The following ZBTB7C variants were observed in gnomAD, a reference collection of about 807,000 sequenced individuals.
ZBTB7C encodes zinc finger and BTB domain-containing protein 7C.
ZBTB7C carries 8 observed loss-of-function variants against 25.7 expected under a neutral mutation model. The ratio of observed to expected loss-of-function variants is 0.31; its 90% CI spans 0.18 to 0.56. The LOEUF (loss-of-function observed/expected upper bound fraction) is 0.56, where lower values mean the gene tolerates loss of function less well. Among genes scored for constraint, ZBTB7C ranks in the 20% least tolerant of loss-of-function variants. The pLI, the probability that ZBTB7C is intolerant of heterozygous loss-of-function variation, is 0.91. For synonymous variants in ZBTB7C, 394 were observed against 369.0 expected (o/e 1.07, Z -0.78); for missense variants, 824 against 855.2 (o/e 0.96, Z 0.46).
At chr18:48,190,315 A>G (rs988274093) in intron 2 of ZBTB7C, among the ~76,000 whole-genome samples, 2 of 152,236 alleles carry the variant, frequency 1.3e-5, no homozygotes, top group Non-Finnish European at 2.9e-5. Flanking sequence ...ATGATGGTTT[A>G]TGATTAAAGA....
intron 2 of ZBTB7C, among the ~76,000 whole-genome samples, chr18:48,289,175 T>C (rs1489147132): frequency 6.6e-6 from 1 of 152,126 alleles, no homozygotes; most frequent in Non-Finnish European, 1.5e-5. Context: ...TTTAAATCTT[T>C]GGAGAGTAAT....
chr18:48,385,091 C>T (rs1453391190), intron 1 of ZBTB7C, among the ~76,000 whole-genome samples: 1 of 152,206 alleles, frequency 6.6e-6, no homozygotes, highest in Non-Finnish European at 1.5e-5. Context: ...GATGATGACT[C>T]ATGGTGCTAG....
At chr18:48,104,075 G>C (rs2038943301) in intron 3 of ZBTB7C, among the ~76,000 whole-genome samples, 2 of 152,148 alleles carry the variant, frequency 1.3e-5, no homozygotes, top group Admixed American at 1.3e-4. Flanking sequence ...CACTTTTAAT[G>C]AGTGGGTTGC....
chr18:48,264,494 G>C (rs1374254004), intron 2 of ZBTB7C, among the ~76,000 whole-genome samples: 1 of 152,126 alleles, frequency 6.6e-6, no homozygotes. Context: ...GGACCTTCTG[G>C]GGTCTTCTGA....
intron 4 of ZBTB7C, among the ~76,000 whole-genome samples, chr18:48,035,969 C>T (rs1010586497): frequency 5.3e-5 from 8 of 152,230 alleles, no homozygotes; most frequent in African/African-American, 1.4e-4. Context: ...ACAAGCCTTT[C>T]CCAGGAGGAA....
chr18:48,399,528 C>T (rs549347001), intron 1 of ZBTB7C, among the ~76,000 whole-genome samples: 91 of 152,272 alleles, frequency 6.0e-4, no homozygotes, highest in Non-Finnish European at 1.2e-3. Flanking sequence ...GAAGGACTGG[C>T]CGGTGGGGTG....
chr18:48,056,252 C>T (rs553094000), intron 3 of ZBTB7C, among the ~76,000 whole-genome samples: 10 of 152,286 alleles, frequency 6.6e-5, no homozygotes, highest in Non-Finnish European at 1.2e-4. Flanking sequence ...TGGAAAGATA[C>T]AACTCGTATT....
At chr18:48,289,670 T>G (rs565900481) in intron 2 of ZBTB7C, among the ~76,000 whole-genome samples, 1 of 152,064 alleles carries the variant, frequency 6.6e-6, no homozygotes, top group Admixed American at 6.6e-5. Flanking sequence ...ACAACAGGGG[T>G]CAAAAGATAA....
chr18:48,267,524 T>G (rs1179065476), intron 2 of ZBTB7C, among the ~76,000 whole-genome samples: 1 of 152,176 alleles, frequency 6.6e-6, no homozygotes, highest in Non-Finnish European at 1.5e-5. Flanking sequence ...ACCCAAATTC[T>G]CCTTCCCACT....
intron 2 of ZBTB7C, among the ~76,000 whole-genome samples, chr18:48,253,165 G>T (rs1373773510): frequency 6.6e-6 from 1 of 151,928 alleles, no homozygotes; most frequent in African/African-American, 2.4e-5. Flanking sequence ...AGCCTTCCAG[G>T]GCTCTGAAAC....
In ZBTB7C at chr18:48,181,508, G is replaced by A. The variant is rs188192320; in HGVS notation, c.-17+4426C>T. Among the ~76,000 whole-genome samples, 5 of 152,204 alleles carry A rather than the reference G, an allele frequency of 3.3e-5. No individual in the cohort carries two copies. The East Asian group carries it at 7.7e-4, about 24-fold the overall frequency. On this transcript the variant is annotated intron_variant, in intron 3 of 4. Coordinates refer to ENST00000590800, the MANE Select transcript of ZBTB7C (RefSeq NM_001318841.2). ...CTGGTACCCCCATGTTATCCTTTCT[G>A]AACAAAGAGGCAACTGAGGCCCCAA... is the stretch of plus-strand genomic sequence containing the variant.
chr18:48,328,681 G>A (rs1019522091), intron 2 of ZBTB7C, among the ~76,000 whole-genome samples: 1 of 152,064 alleles, frequency 6.6e-6, no homozygotes, highest in African/African-American at 2.4e-5. Context: ...GGGCTGGAAC[G>A]CCTATCTCCT....
rs571692003 is a variant in ZBTB7C at position 48,139,266 on chromosome 18, G to T, written c.-17+46668C>A. 2.0e-3 allele frequency among the ~76,000 whole-genome samples: 303 copies of T among 152,276 alleles called. 1 individual carries two copies. Among genetic ancestry groups the T allele is most frequent in the African/African-American group, 6.9e-3 (287 of 41,562 alleles). On this transcript the variant is annotated intron_variant, in intron 3 of 4. Transcript: ENST00000590800. ...TCAGTAGTTAAGAAAACAGGAGGGG[G>T]TCTATGAGGTAGAGCCAGTTTATGG...
chr18:48,158,467 C>T (rs1365696591), intron 3 of ZBTB7C, among the ~76,000 whole-genome samples: 1 of 152,052 alleles, frequency 6.6e-6, no homozygotes, highest in Non-Finnish European at 1.5e-5. Flanking sequence ...GCAAATACTT[C>T]TCCCTCCCTG....
At chr18:48,161,526 G>C (rs1450397289) in intron 3 of ZBTB7C, among the ~76,000 whole-genome samples, 1 of 152,070 alleles carries the variant, frequency 6.6e-6, no homozygotes, top group African/African-American at 2.4e-5. Flanking sequence ...TGCCCGGCCT[G>C]TTCAGACTGG....
intron 2 of ZBTB7C, among the ~76,000 whole-genome samples, chr18:48,334,722 C>T (rs745635112): frequency 2.6e-5 from 4 of 152,174 alleles, no homozygotes; most frequent in Non-Finnish European, 5.9e-5. Context: ...GAACTCCCTA[C>T]CCTAAGGGGA....
At chr18:48,087,164 G>T (rs748065454) in intron 3 of ZBTB7C, among the ~76,000 whole-genome samples, 21 of 152,180 alleles carry the variant, frequency 1.4e-4, no homozygotes, top group Non-Finnish European at 2.6e-4. Context: ...GCCTGCTATT[G>T]AGTGCTCACT....
At chr18:48,236,248 T>C (rs2043374844) in intron 2 of ZBTB7C, among the ~76,000 whole-genome samples, 1 of 152,234 alleles carries the variant, frequency 6.6e-6, no homozygotes. Flanking sequence ...TCCAAGTTTA[T>C]CTAAATCCTA....
chr18:48,151,172 T>A (rs1461862893), intron 3 of ZBTB7C, among the ~76,000 whole-genome samples: 1 of 151,034 alleles, frequency 6.6e-6, no homozygotes, highest in Non-Finnish European at 1.5e-5. Flanking sequence ...CAGGAGGAGG[T>A]TTTCAACTGC....
Sources: gnomAD v4.1 joint callset for allele counts (sites outside exome capture counted in the v4.1 genomes callset) on GRCh38, gnomAD v4.1.1 for gene constraint, MANE v1.5 for transcripts, NCBI Gene and HGNC (gene_info 2026-07-23, HGNC 2026-07-21) for gene names.